The following SLIT1 variants were observed in gnomAD, a reference collection of about 807,000 sequenced individuals.
SLIT1 encodes slit guidance ligand 1.
A neutral mutation model predicts 186.1 loss-of-function variants in SLIT1; 66 were observed. That is an observed-to-expected ratio of 0.35 (90% CI 0.29 to 0.44). The LOEUF is 0.44. Among genes scored for constraint, SLIT1 ranks in the 20% least tolerant of loss-of-function variants. The pLI, the probability that SLIT1 is intolerant of heterozygous loss-of-function variation, is 1.00. For missense variants in SLIT1, 1,638 were observed against 2,037.4 expected (o/e 0.80, Z 3.77); for synonymous variants, 761 against 833.8 (o/e 0.91, Z 1.50).
intron 8 of SLIT1, 108 bp downstream of exon 8, chr10:97,063,347 C>G: frequency 8.1e-7 from 1 of 1,236,104 alleles, no homozygotes; most frequent in South Asian, 1.3e-5. Context: ...TGGGCGGGGT[C>G]AGGAGGTGAT....
intron 2 of SLIT1, among the ~76,000 whole-genome samples, chr10:97,163,821 G>A (rs929318228): frequency 1.3e-5 from 2 of 152,254 alleles, no homozygotes; most frequent in African/African-American, 2.4e-5. Context: ...GGCAGCACAG[G>A]CTGGCTTGAG....
At chr10:97,037,524 T>C (rs1413019599) in intron 22 of SLIT1, among the ~76,000 whole-genome samples, 174 bp downstream of exon 22, 1 of 152,090 alleles carries the variant, frequency 6.6e-6, no homozygotes, top group African/African-American at 2.4e-5. Context: ...TTGCCAATCG[T>C]GGCCACTAGG....
At chr10:97,139,544 C>A (rs1401605437) in intron 4 of SLIT1, among the ~76,000 whole-genome samples, 4 of 152,076 alleles carry the variant, frequency 2.6e-5, no homozygotes, top group Non-Finnish European at 5.9e-5. Flanking sequence ...GACAGGGTAC[C>A]AAAACCCCTG....
At position 97,154,009 on chromosome 10, in the gene SLIT1, G is replaced by T. The variant is rs181016312; in HGVS notation, c.413+3809C>A. ...ACCTTTACCATCACCAGCCGGCAGG[G>T]TATTCTGTTTCTGGAACCAAGCGTG... On this transcript the variant is annotated intron_variant, in intron 4 of 36. Transcript: ENST00000266058. 2.0e-5 allele frequency: 3 copies of T among 152,274 alleles called. No homozygotes were observed. The East Asian group carries it at 5.8e-4, about 29-fold the overall frequency. The allele number at this position is 152,274 out of a possible 1,614,324, so 9.4% of individuals were successfully genotyped here. A position where few individuals can be genotyped will look rare whatever the true frequency, so the allele number is the denominator to read the frequency against.
rs796907161 is a variant in SLIT1 at position 97,137,729 on chromosome 10, G to C, written c.413+20089C>G. Among the ~76,000 whole-genome samples, 7 of 152,218 alleles carry C rather than the reference G, an allele frequency of 4.6e-5. No homozygotes were observed. The South Asian group carries it at 1.0e-3, about 23-fold the overall frequency. On this transcript the variant is annotated intron_variant, in intron 4 of 36. Transcript: ENST00000266058. ...GCCTCCAAAGTAGCTGGGATTACAG[G>C]TGTGCCCCACCATCCCCAGCTAATT...
intron 4 of SLIT1, among the ~76,000 whole-genome samples, chr10:97,093,110 G>C (rs1849250355): frequency 6.6e-6 from 1 of 152,204 alleles, no homozygotes; most frequent in Non-Finnish European, 1.5e-5. Flanking sequence ...GAAAACCAGA[G>C]GAAAGAGAAA....
chr10:97,125,164 T>A (rs1849593282), intron 4 of SLIT1, among the ~76,000 whole-genome samples: 1 of 152,196 alleles, frequency 6.6e-6, no homozygotes, highest in African/African-American at 2.4e-5. Flanking sequence ...GGCATCATAA[T>A]GTAAAATGCA....
Position 97,111,243 on chromosome 10 carries a change from GA to G in SLIT1, c.414-45158del, listed in dbSNP as rs1849461692. Among the ~76,000 whole-genome samples the G allele has an allele frequency of 2.0e-5, 3 of 151,952 alleles. No individual in the cohort carries two copies. The South Asian group carries it at 6.3e-4, about 32-fold the overall frequency. ...GAGGGCTGACCCTAATATAGGTAAG[GA>G]CATCTGAAGGCAAAAAGGGACTCCA... On this transcript the variant is annotated intron_variant, in intron 4 of 36. Coordinates refer to ENST00000266058, the MANE Select transcript of SLIT1 (RefSeq NM_003061.3).
At chr10:97,155,619 A>AC (rs1331860156) in intron 4 of SLIT1, among the ~76,000 whole-genome samples, 1 of 152,194 alleles carries the variant, frequency 6.6e-6, no homozygotes, top group Non-Finnish European at 1.5e-5. Flanking sequence ...GAAAGTGGGC[A>AC]CCCAGAGCTT....
At chr10:97,131,483 G>C (rs1483966042) in intron 4 of SLIT1, among the ~76,000 whole-genome samples, 1 of 152,196 alleles carries the variant, frequency 6.6e-6, no homozygotes, top group Non-Finnish European at 1.5e-5. Context: ...GCCATGCTGG[G>C]TATGGCCAAC....
At chr10:97,011,531 G>A (rs1848410670) in intron 30 of SLIT1, among the ~76,000 whole-genome samples, 1 of 152,044 alleles carries the variant, frequency 6.6e-6, no homozygotes, top group Non-Finnish European at 1.5e-5. Flanking sequence ...CCACTACCAT[G>A]TGACTGAGTT....
intron 4 of SLIT1, among the ~76,000 whole-genome samples, chr10:97,096,619 T>C (rs980404850): frequency 5.9e-5 from 9 of 152,036 alleles, no homozygotes; most frequent in African/African-American, 2.2e-4. Flanking sequence ...GGCTCCTCAC[T>C]CCCACCTCTT....
intron 4 of SLIT1, among the ~76,000 whole-genome samples, chr10:97,105,698 C>T (rs920246581): frequency 3.9e-5 from 6 of 152,190 alleles, no homozygotes; most frequent in African/African-American, 4.8e-5. Context: ...AGGGCATCTC[C>T]GCAGGGTCTT....
intron 4 of SLIT1, among the ~76,000 whole-genome samples, chr10:97,138,647 C>A (rs1167487459): frequency 6.3e-5 from 1 of 15,796 alleles, no homozygotes; most frequent in Non-Finnish European, 5.2e-4. Flanking sequence ...TTGTAGGAAA[C>A]TGTTTTTTTT....
intron 4 of SLIT1, 69 bp from the exon 5 acceptor site, chr10:97,066,155 A>T: frequency 7.8e-7 from 1 of 1,275,540 alleles, no homozygotes; most frequent in East Asian, 2.5e-5. Flanking sequence ...GTGCTGTGAT[A>T]AGTCAGGGAA....
At chr10:97,049,254 GAAA>G in intron 13 of SLIT1, 136 bp from the exon 14 acceptor site, 1 of 1,000,626 alleles carries the variant, frequency 1.0e-6, no homozygotes, top group South Asian at 1.7e-5. Flanking sequence ...GCCACGGGGG[GAAA>G]GAGAGAGTGG....
chr10:97,009,046 A>AT (rs1848388502), intron 31 of SLIT1, among the ~76,000 whole-genome samples: 1 of 151,762 alleles, frequency 6.6e-6, no homozygotes, highest in South Asian at 2.1e-4. Flanking sequence ...TGCCTGGTTA[A>AT]TTTTTGTATT....
intron 4 of SLIT1, among the ~76,000 whole-genome samples, chr10:97,122,792 C>T (rs533882906): frequency 2.0e-5 from 3 of 152,246 alleles, no homozygotes; most frequent in East Asian, 1.9e-4. Context: ...TGCCAGCAAA[C>T]TAGATCTGGC....
chr10:97,129,628 G>A (rs771281830), intron 4 of SLIT1, among the ~76,000 whole-genome samples: 51 of 152,034 alleles, frequency 3.4e-4, no homozygotes, highest in Admixed American at 3.3e-4. Context: ...ATGCTGCTCC[G>A]CCATACCTTC....
Sources: allele counts gnomAD v4.1 joint callset (sites outside exome capture counted in the v4.1 genomes callset), GRCh38; gene constraint gnomAD v4.1.1; transcripts MANE v1.5; gene names NCBI Gene and HGNC (gene_info 2026-07-23, HGNC 2026-07-21).